Variants in BACE2 observed in about 807,000 individuals in gnomAD.
BACE2 encodes the protein 56 kDa aspartic-like protease.
A neutral mutation model predicts 46.2 loss-of-function variants in BACE2; 17 were observed. That is an observed-to-expected ratio of 0.37 (90% confidence interval 0.25 to 0.55). BACE2 has a LOEUF of 0.55. Among genes scored for constraint, BACE2 ranks in the 20% least tolerant of loss-of-function variants. BACE2 has a pLI of 0.82. For missense variants in BACE2, 595 were observed against 698.1 expected (o/e 0.85, Z 1.66); for synonymous variants, 277 against 295.9 (o/e 0.94, Z 0.66).
chr21:41,190,683 G>A (rs1985536851), intron 1 of BACE2, among the ~76,000 whole-genome samples: 1 of 152,106 alleles, frequency 6.6e-6, no homozygotes, highest in South Asian at 2.1e-4. Context: ...GCCATTTCTA[G>A]TCCTGCCTGG....
At chr21:41,275,224 A>C in intron 8 of BACE2, 147 bp from the exon 9 acceptor site, 1 of 1,092,502 alleles carries the variant, frequency 9.2e-7, no homozygotes, top group Non-Finnish European at 1.3e-6. Context: ...CCGTGACCCC[A>C]CTCAGTGCTT....
intron 1 of BACE2, among the ~76,000 whole-genome samples, chr21:41,201,267 G>A (rs1216550535): frequency 6.6e-5 from 10 of 152,200 alleles, no homozygotes; most frequent in African/African-American, 7.2e-5. Context: ...CAGCAGCCCC[G>A]CAGCTCTGAT....
Position 41,193,133 on chromosome 21 carries a change from C to T in BACE2, c.312+24558C>T, listed in dbSNP as rs374928942. On this transcript the variant is annotated intron_variant, in intron 1 of 8. Coordinates refer to ENST00000330333, the MANE Select transcript of BACE2 (RefSeq NM_012105.5). This position sits in a 1 kb window ranked among gnomAD's most constrained non-coding sequence, Gnocchi z 4.2. ...TGTGATATCTCGTGGAAACGAAAAG[C>T]GATCAAGGTCTCTCCAAATAAGATT... 6.6e-6 allele frequency among the ~76,000 whole-genome samples: 1 copy of T among 152,242 alleles called. No individual in the cohort carries two copies. The highest frequency in any genetic ancestry group is 2.4e-5 in the African/African-American group (1 of 41,560).
rs916638937 is a variant in BACE2, at chr21:41,280,740, G to A, written c.*5116G>A. 2.0e-5 allele frequency: 3 copies of A among 152,260 alleles called. No homozygotes were observed. The highest frequency in any genetic ancestry group is 4.4e-5 in the Non-Finnish European group (3 of 68,056). The allele number at this position is 152,260 out of a possible 1,614,324, so 9.4% of individuals were successfully genotyped here. On this transcript the variant is annotated 3_prime_UTR_variant, in exon 9 of 9. Coordinates refer to ENST00000330333, the MANE Select transcript of BACE2 (RefSeq NM_012105.5). ...TCAGTGGCTGGAATCTATCACAGCT[G>A]TTGGGGATACGTAACTCCCAGCAAT...
At position 41,257,238 on chromosome 21, in the gene BACE2, G is replaced by C; in HGVS notation, c.1215G>C (p.Leu405=). 6.2e-7 allele frequency: 1 copy of C among 1,614,210 alleles called. No homozygotes were observed. The highest frequency in any genetic ancestry group is 8.5e-7 in the Non-Finnish European group (1 of 1,180,042). ...GCATTTCCCCATCCACAAATGCGCT[G>C]GTGATCGGTGCCACGGTGATGGAGG... ...RFGISPSTNA[L]VIGATVMEGF... is the part of the protein sequence containing the mutation. The change falls in exon 8 of 9, where the codon CTG becomes CTC. Residue 405 remains leucine, a synonymous_variant. Coordinates refer to ENST00000330333, the MANE Select transcript of BACE2 (RefSeq NM_012105.5).
intron 4 of BACE2, among the ~76,000 whole-genome samples, chr21:41,242,482 A>C (rs1404015118): frequency 6.6e-6 from 1 of 152,110 alleles, no homozygotes; most frequent in Admixed American, 6.5e-5. Flanking sequence ...CAGACGTCAA[A>C]AGTAGTAGGG....
At chr21:41,172,428 G>A (rs1023599597) in intron 1 of BACE2, among the ~76,000 whole-genome samples, 1 of 152,168 alleles carries the variant, frequency 6.6e-6, no homozygotes, top group Non-Finnish European at 1.5e-5. Flanking sequence ...TCCTTGCAAC[G>A]TCCTGGAAAA....
chr21:41,205,678 G>A (rs887691396), intron 1 of BACE2, among the ~76,000 whole-genome samples: 11 of 152,090 alleles, frequency 7.2e-5, no homozygotes, highest in African/African-American at 2.4e-4. Flanking sequence ...TTGGGTGGCC[G>A]AGGAGAAATG....
At chr21:41,208,994 G>T (rs928095012) in intron 1 of BACE2, among the ~76,000 whole-genome samples, 2 of 152,166 alleles carry the variant, frequency 1.3e-5, no homozygotes, top group Non-Finnish European at 2.9e-5. Flanking sequence ...CAGCTGGAAC[G>T]TTGCCCTCTT....
intron 7 of BACE2, 122 bp downstream of exon 7, chr21:41,251,023 A>T: frequency 9.6e-7 from 1 of 1,046,338 alleles, no homozygotes; most frequent in Non-Finnish European, 1.4e-6. Flanking sequence ...AATGCTGCAA[A>T]AGACAGCCAC....
intron 2 of BACE2, among the ~76,000 whole-genome samples, chr21:41,231,855 G>A (rs369496924): frequency 4.5e-4 from 68 of 152,152 alleles, no homozygotes; most frequent in Middle Eastern, 6.8e-3. Context: ...CGCAAGAGGT[G>A]GGACGTTAGA....
Position 41,275,530 on chromosome 21 carries a change from T to C in BACE2, c.1463T>C (p.Val488Ala). 1 of 1,614,092 alleles carries C rather than the reference T, an allele frequency of 6.2e-7. No homozygotes were observed. Among genetic ancestry groups the C allele is most frequent in the South Asian group, 1.1e-5 (1 of 91,074 alleles). ...GGAGCCATCCTCCTTGTCTTAATCG[T>C]CCTGCTGCTGCTGCCGTTCCGGTGT... ...VCGAILLVLI[V>A]LLLLPFRCQR... Residue 488 changes from valine (V) to alanine (A), a missense_variant, in exon 9 of 9, where the codon GTC (valine) becomes GCC (alanine). Val to Ala is a moderately conservative substitution (Grantham distance 64). Coordinates refer to ENST00000330333, the MANE Select transcript of BACE2 (RefSeq NM_012105.5).
At position 41,193,038 on chromosome 21, in the gene BACE2, A is replaced by G. The variant is rs1480763492; in HGVS notation, c.312+24463A>G. ...CTGGCACATAAATGTCTCACCAATA[A>G]GTCCAGTGTGTTTGCTACTTCTTGC... On this transcript the variant is annotated intron_variant, in intron 1 of 8. Transcript: ENST00000330333. This position sits in a 1 kb window ranked among gnomAD's most constrained non-coding sequence, Gnocchi z 4.2. 6.6e-6 allele frequency among the ~76,000 whole-genome samples: 1 copy of G among 152,236 alleles called. No individual in the cohort carries two copies. Among genetic ancestry groups the G allele is most frequent in the Non-Finnish European group, 1.5e-5 (1 of 68,046 alleles).
At chr21:41,238,897 T>C (rs1006979449) in intron 3 of BACE2, among the ~76,000 whole-genome samples, 3 of 139,228 alleles carry the variant, frequency 2.2e-5, no homozygotes, top group African/African-American at 8.3e-5. Flanking sequence ...GGCACATGTA[T>C]ACATATGTAA....
intron 1 of BACE2, among the ~76,000 whole-genome samples, chr21:41,210,455 T>C (rs914179): frequency 0.65 from 98,304 of 152,080 alleles, 33,007 homozygotes; most frequent in East Asian, 0.94. Flanking sequence ...AGGCAAGGGT[T>C]GAGCCGCGTA....
intron 1 of BACE2, among the ~76,000 whole-genome samples, chr21:41,196,665 C>T (rs1246762914): frequency 6.6e-6 from 1 of 152,186 alleles, no homozygotes; most frequent in Non-Finnish European, 1.5e-5. Context: ...ACAAAGGTCT[C>T]CAAAGTTAGA....
intron 2 of BACE2, among the ~76,000 whole-genome samples, chr21:41,226,940 G>A (rs1363679861): frequency 6.6e-6 from 1 of 152,158 alleles, no homozygotes; most frequent in Non-Finnish European, 1.5e-5. Context: ...ATTATGGGGT[G>A]GAGTTGAGAA....
intron 8 of BACE2, among the ~76,000 whole-genome samples, chr21:41,270,991 G>T (rs1220429288): frequency 2.0e-5 from 3 of 151,812 alleles, no homozygotes; most frequent in African/African-American, 7.3e-5. Context: ...CTGTTATTAG[G>T]TAAAAAAACA....
At chr21:41,186,689 T>A (rs1394062473) in intron 1 of BACE2, 1 of 152,228 alleles carries the variant, frequency 6.6e-6, no homozygotes, top group East Asian at 1.9e-4. Context: ...GCTGGTGGTG[T>A]TAGGCAGCAG....
Sources: allele counts gnomAD v4.1 joint callset (sites outside exome capture counted in the v4.1 genomes callset), GRCh38; gene constraint gnomAD v4.1.1; non-coding constraint Gnocchi (gnomAD v3.1); transcripts MANE v1.5; gene names NCBI Gene and HGNC (gene_info 2026-07-23, HGNC 2026-07-21).